The following MMRN1 variants were observed in gnomAD, a reference collection of about 807,000 sequenced individuals.
The protein encoded by MMRN1 is multimerin 1, also known as multimerin-1.
In MMRN1, 94 loss-of-function variants were observed where a neutral mutation model predicts 100.7. That is an observed-to-expected ratio of 0.93 (90% CI 0.79 to 1.11). The LOEUF (loss-of-function observed/expected upper bound fraction) is 1.11. Among genes scored for constraint, MMRN1 ranks in the 50% least tolerant of loss-of-function variants. The probability of loss-of-function intolerance (pLI) is 0.00; values close to 1 mark genes in which losing one functional copy is unlikely to be tolerated. For synonymous variants in MMRN1, 575 were observed against 505.0 expected (o/e 1.14, Z -1.86); for missense variants, 1,606 against 1,439.1 (o/e 1.12, Z -1.88).
chr4:89,937,067 T>G (rs1303859528), intron 6 of MMRN1, among the ~76,000 whole-genome samples: 1 of 152,118 alleles, frequency 6.6e-6, no homozygotes, highest in African/African-American at 2.4e-5. Flanking sequence ...TAATTAAATT[T>G]GCTCCTATGG....
intron 1 of MMRN1, among the ~76,000 whole-genome samples, chr4:89,880,909 T>C (rs1169639334): frequency 1.3e-5 from 2 of 152,142 alleles, no homozygotes; most frequent in African/African-American, 2.4e-5. Context: ...GCACTGCATG[T>C]AATTCTAAAA....
intron 4 of MMRN1, 47 bp from the exon 5 acceptor site, chr4:89,927,748 G>A (rs1722306088): frequency 6.4e-7 from 1 of 1,558,232 alleles, no homozygotes; most frequent in South Asian, 1.2e-5. Context: ...CCAACTATGG[G>A]TCAAAATATA....
At chr4:89,946,224 G>C (rs773706898) in intron 6 of MMRN1, among the ~76,000 whole-genome samples, 3 of 152,158 alleles carry the variant, frequency 2.0e-5, no homozygotes, top group Non-Finnish European at 4.4e-5. Context: ...AAGTGCAAAT[G>C]TTGTGTGGGC....
At chr4:89,940,764 A>G (rs1338744079) in intron 6 of MMRN1, among the ~76,000 whole-genome samples, 1 of 152,180 alleles carries the variant, frequency 6.6e-6, no homozygotes, top group Non-Finnish European at 1.5e-5. Context: ...TATATGATGC[A>G]ATTTTCTTAG....
upstream of MMRN1, among the ~76,000 whole-genome samples, chr4:89,890,585 A>G (rs984689196): frequency 6.6e-6 from 1 of 152,124 alleles, no homozygotes; most frequent in African/African-American, 2.4e-5. Context: ...TCTATTCCAT[A>G]TTTCCAGAAG....
chr4:89,914,238 ACTT>A (rs1388516141), intron 3 of MMRN1, among the ~76,000 whole-genome samples: 2 of 151,354 alleles, frequency 1.3e-5, no homozygotes, highest in South Asian at 4.2e-4. Context: ...GTACTTTTTT[ACTT>A]CTTCTCCCCC....
In MMRN1 at chr4:89,895,578, G is replaced by C; in HGVS notation, c.607G>C (p.Glu203Gln). 1.2e-6 allele frequency: 2 copies of C among 1,613,282 alleles called. No homozygotes were observed. The highest frequency in any genetic ancestry group is 1.7e-6 in the Non-Finnish European group (2 of 1,179,646). Residue 203 changes from glutamate to glutamine, a missense_variant, in exon 1 of 8, where the codon GAA (glutamate) becomes CAA (glutamine). Coordinates refer to ENST00000264790, the MANE Select transcript of MMRN1 (RefSeq NM_007351.3). ...QRTDYQKSNFETTRGKNWCAY... is the reference protein window; with the variant it reads ...QRTDYQKSNFQTTRGKNWCAY... ...AACTGACTACCAAAAATCAAATTTC[G>C]AAACAACTAGAGGAAAGTAAGAAAT...
intron 6 of MMRN1, among the ~76,000 whole-genome samples, chr4:89,945,243 A>C (rs1722952037): frequency 6.6e-6 from 1 of 152,128 alleles, no homozygotes. Flanking sequence ...TCTATTTACC[A>C]GTTGAAGGAT....
At position 89,936,521 on chromosome 4, in the gene MMRN1, G is replaced by A. The variant is rs768087865; in HGVS notation, c.2841G>A (p.Lys947=). The change falls in exon 6 of 8, where the codon AAG becomes AAA. Residue 947 remains lysine (K), a synonymous_variant. Coordinates refer to ENST00000264790, the MANE Select transcript of MMRN1 (RefSeq NM_007351.3). ...SVSELNATIP[K]WIKHSLPDIQ... ...CAGAACTGAATGCTACCATCCCTAAGTGGATAAAACATTCCCTGCCAGATA... is the reference window on the plus strand; with the variant it reads ...CAGAACTGAATGCTACCATCCCTAAATGGATAAAACATTCCCTGCCAGATA... 8.7e-6 allele frequency: 14 copies of A among 1,613,038 alleles called. No homozygotes were observed. Among genetic ancestry groups the A allele is most frequent in the Admixed American group, 1.7e-5 (1 of 59,924 alleles).
rs756348718 is a variant in MMRN1, at chr4:89,924,429, GAATA to G, written c.955+1158_955+1161del. Among the ~76,000 whole-genome samples, 3 of 151,966 alleles carry G rather than the reference GAATA, an allele frequency of 2.0e-5. No homozygotes were observed. In the East Asian group the frequency reaches 5.8e-4, roughly 29 times the overall value. ...ACATTCAAGTTGCCATTTCCTGAAT[GAATA>G]TAGTCTTGTATTTTCAAATGTATTC... On this transcript the variant is annotated intron_variant, in intron 4 of 7. Transcript: ENST00000264790.
chr4:89,894,259 A>G (rs191089487), upstream of MMRN1, among the ~76,000 whole-genome samples: 10 of 152,226 alleles, frequency 6.6e-5, no homozygotes, highest in Admixed American at 6.5e-4. Context: ...GTCTAATTCA[A>G]TTACTTATGC....
At chr4:89,886,468 A>G (rs552377659) in intron 1 of MMRN1, among the ~76,000 whole-genome samples, 1 of 152,258 alleles carries the variant, frequency 6.6e-6, no homozygotes, top group South Asian at 2.1e-4. Flanking sequence ...CCCAAAACAT[A>G]TTCTGTATCA....
At chr4:89,880,294 G>A (rs1720790645) in intron 1 of MMRN1, among the ~76,000 whole-genome samples, 1 of 152,140 alleles carries the variant, frequency 6.6e-6, no homozygotes, top group African/African-American at 2.4e-5. Context: ...TTGACTGCTT[G>A]TTAAAATGGG....
intron 4 of MMRN1, 87 bp from the exon 5 acceptor site, chr4:89,927,708 G>C (rs1373241544): frequency 8.4e-6 from 10 of 1,191,340 alleles, no homozygotes; most frequent in Non-Finnish European, 1.2e-5. Context: ...CAGAAGAAAG[G>C]GTTTTAGTTT....
chr4:89,899,661 A>T (rs535319310), intron 1 of MMRN1, among the ~76,000 whole-genome samples: 3 of 152,170 alleles, frequency 2.0e-5, no homozygotes, highest in Admixed American at 2.0e-4. Flanking sequence ...ACAATTCCCA[A>T]CCCCTGTACA....
Position 89,894,873 on chromosome 4 carries a change from C to CT in MMRN1, c.-98dup. On this transcript the variant is annotated 5_prime_UTR_variant, in exon 1 of 8. Transcript: ENST00000264790. ...CTCTACACATCTCAAACTGGCAAAA[C>CT]TCAGTCTTAGCAGATTCAGTGTGGA... 6.7e-7 allele frequency: 1 copy of CT among 1,498,270 alleles called. No individual in the cohort carries two copies. The highest frequency in any genetic ancestry group is 1.4e-5 in the South Asian group (1 of 71,436). The allele number at this position is 1,498,270 out of a possible 1,614,324, so 92.8% of individuals were successfully genotyped here. A position where few individuals can be genotyped will look rare whatever the true frequency, so the allele number is the denominator to read the frequency against.
Position 89,934,870 on chromosome 4 carries a change from T to G in MMRN1, c.1190T>G (p.Ile397Ser). The G allele has an allele frequency of 6.3e-7, 1 of 1,588,204 alleles. No homozygotes were observed. The highest frequency in any genetic ancestry group is 1.2e-5 in the South Asian group (1 of 85,908). Reference sequence around the variant, plus strand: ...GACATAGTAAGAGAACAATTTAAAATTTTTCAAAATGACATGCAAGAGACT... The same window carrying G: ...GACATAGTAAGAGAACAATTTAAAAGTTTTCAAAATGACATGCAAGAGACT... ...IRDIVREQFK[I>S]FQNDMQETVA... Residue 397 changes from isoleucine to serine, a missense_variant, in exon 6 of 8, where the codon ATT (isoleucine) becomes AGT (serine). By Grantham distance (142) the Ile-to-Ser change is moderately radical. Coordinates refer to ENST00000264790, the MANE Select transcript of MMRN1 (RefSeq NM_007351.3).
intron 3 of MMRN1, among the ~76,000 whole-genome samples, chr4:89,915,368 A>T (rs2119785): frequency 6.6e-6 from 1 of 151,310 alleles, no homozygotes; most frequent in East Asian, 1.9e-4. Flanking sequence ...TTTACCTAGT[A>T]AATCTCAGTA....
In MMRN1 at chr4:89,899,483, G is replaced by T. The variant is rs143077025; in HGVS notation, c.623+3889G>T. Among the ~76,000 whole-genome samples the T allele has an allele frequency of 4.9e-3, 746 of 152,196 alleles. 4 individuals are homozygous for T. Among genetic ancestry groups the T allele is most frequent in the South Asian group, 0.027 (132 of 4,824 alleles). ...AGCCCAGTGGCAGAGGTGAGAGGAGGAATAACAGTGAATCACAAATGCTGA... is the reference window on the plus strand; with the variant it reads ...AGCCCAGTGGCAGAGGTGAGAGGAGTAATAACAGTGAATCACAAATGCTGA... On this transcript the variant is annotated intron_variant, in intron 1 of 7. Coordinates refer to ENST00000264790, the MANE Select transcript of MMRN1 (RefSeq NM_007351.3).
Sources: allele counts gnomAD v4.1 joint callset (sites outside exome capture counted in the v4.1 genomes callset), GRCh38; gene constraint gnomAD v4.1.1; transcripts MANE v1.5; gene names NCBI Gene and HGNC (gene_info 2026-07-23, HGNC 2026-07-21).